MBD5: variants seen among roughly 807,000 people sequenced by gnomAD.
MBD5 encodes the protein methyl-CpG-binding domain protein 5.
A neutral mutation model predicts 117.3 loss-of-function variants in MBD5; 13 were observed. The ratio of observed to expected loss-of-function variants is 0.11; its 90% confidence interval spans 0.07 to 0.18. The LOEUF (loss-of-function observed/expected upper bound fraction) is 0.18, where lower values mean the gene tolerates loss of function less well. Ranked by LOEUF, MBD5 falls within the 10% of genes least tolerant of loss-of-function variation. The pLI is 1.00. For synonymous variants in MBD5, 727 were observed against 766.4 expected (o/e 0.95, Z 0.85); for missense variants, 1,879 against 2,093.8 (o/e 0.90, Z 2.00).
intron 1 of MBD5, among the ~76,000 whole-genome samples, chr2:148,073,542 A>T (rs1272547683): frequency 6.6e-6 from 1 of 152,192 alleles, no homozygotes. Context: ...TATATATGGT[A>T]CATTCTTATA....
At chr2:148,047,521 T>C (rs1337343906) in intron 1 of MBD5, among the ~76,000 whole-genome samples, 1 of 152,202 alleles carries the variant, frequency 6.6e-6, no homozygotes, top group African/African-American at 2.4e-5. Context: ...TTGGGAGATG[T>C]AGAAATTGTT....
intron 4 of MBD5, among the ~76,000 whole-genome samples, chr2:148,442,580 A>G (rs1415579919): frequency 1.3e-5 from 2 of 151,394 alleles, no homozygotes; most frequent in African/African-American, 2.5e-5. Context: ...AGAAAGAAAG[A>G]TAAGGTAAAT....
chr2:148,491,015 G>T (rs1028037378), intron 11 of MBD5, among the ~76,000 whole-genome samples: 8 of 152,182 alleles, frequency 5.3e-5, no homozygotes, highest in African/African-American at 1.9e-4. Context: ...CAATGGTTGC[G>T]CCAGGGGACG....
In MBD5 at chr2:148,151,529, C is replaced by T. The variant is rs1697667256; in HGVS notation, c.-924-27171C>T. On this transcript the variant is annotated intron_variant, in intron 1 of 13. Coordinates refer to ENST00000642680, the MANE Select transcript of MBD5 (RefSeq NM_001378120.1). ...TTCCGAAGGAATGGTACCAGCTCCT[C>T]CTTGTACCTCTGGTAAAATTCGGCA... Among the ~76,000 whole-genome samples, 3 of 152,200 alleles carry T rather than the reference C, an allele frequency of 2.0e-5. No individual in the cohort carries two copies. The South Asian group carries it at 6.2e-4, about 32-fold the overall frequency.
At chr2:148,293,147 CAAAAAAAAAAAA>C (rs35179123) in intron 3 of MBD5, among the ~76,000 whole-genome samples, 3 of 84,926 alleles carry the variant, frequency 3.5e-5, no homozygotes, top group Non-Finnish European at 6.9e-5. Flanking sequence ...AACCTTGCCT[CAAAAAAAAAAAA>C]AAAAAAAAAA....
chr2:148,466,621 T>C (rs1021431556), intron 7 of MBD5, among the ~76,000 whole-genome samples: 1 of 152,142 alleles, frequency 6.6e-6, no homozygotes, highest in Non-Finnish European at 1.5e-5. Context: ...ATATTAACGT[T>C]TTTCATTTTG....
intron 2 of MBD5, among the ~76,000 whole-genome samples, chr2:148,200,582 A>G (rs1282222252): frequency 6.6e-6 from 1 of 151,740 alleles, no homozygotes; most frequent in Non-Finnish European, 1.5e-5. Context: ...GGTCCCAGCT[A>G]CTCGGGAGGC....
At chr2:148,267,687 T>C (rs1410468942) in intron 3 of MBD5, among the ~76,000 whole-genome samples, 1 of 152,126 alleles carries the variant, frequency 6.6e-6, no homozygotes, top group Admixed American at 6.6e-5. Context: ...TAATACATAG[T>C]GTTCTTTAAC....
At chr2:148,483,002 C>T in intron 8 of MBD5, 108 bp from the exon 9 acceptor site, 2 of 1,233,146 alleles carry the variant, frequency 1.6e-6, no homozygotes, top group East Asian at 2.4e-5. Context: ...AATGAAGGTG[C>T]CATGGAACAA....
chr2:148,037,951 C>T (rs769445527), intron 1 of MBD5, among the ~76,000 whole-genome samples: 4 of 151,776 alleles, frequency 2.6e-5, no homozygotes, highest in Admixed American at 6.6e-5. Flanking sequence ...TTAGAGAATG[C>T]AGATACAAGT....
At chr2:148,416,614 T>A (rs1295040215) in intron 4 of MBD5, among the ~76,000 whole-genome samples, 4 of 152,196 alleles carry the variant, frequency 2.6e-5, no homozygotes, top group African/African-American at 9.7e-5. Context: ...GTTTTTTATA[T>A]ATTTAATTTT....
At chr2:148,052,307 T>C (rs1694732922) in intron 1 of MBD5, among the ~76,000 whole-genome samples, 1 of 140,840 alleles carries the variant, frequency 7.1e-6, no homozygotes, top group Non-Finnish European at 1.5e-5. Context: ...GCCTCCCAGG[T>C]TCAAGCAATT....
intron 1 of MBD5, among the ~76,000 whole-genome samples, chr2:148,096,341 G>A (rs1193105631): frequency 6.6e-6 from 1 of 152,112 alleles, no homozygotes; most frequent in Non-Finnish European, 1.5e-5. Flanking sequence ...GGCATCTAGT[G>A]GATACAGGTC....
chr2:148,279,256 C>A lies in MBD5; in HGVS notation c.-680+45861C>A, dbSNP rs77412636. On this transcript the variant is annotated intron_variant, in intron 3 of 13. Transcript: ENST00000642680. ...ACCAACCTGGGCAACATAGTGAGAT[C>A]CCATTTCTTAAAAAATGAGAAAAGT... Among the ~76,000 whole-genome samples, 491 of 152,188 alleles carry A rather than the reference C, an allele frequency of 3.2e-3. 15 individuals are homozygous for A. In the East Asian group the frequency reaches 0.07, roughly 22 times the overall value.
At chr2:148,485,190 G>A (rs1262963513) in intron 9 of MBD5, 1 of 152,366 alleles carries the variant, frequency 6.6e-6, no homozygotes, top group East Asian at 1.9e-4. Context: ...TGTGTTGTTA[G>A]CTTTCTTTTC....
chr2:148,230,116 C>T (rs777171053), intron 2 of MBD5, among the ~76,000 whole-genome samples: 1 of 152,224 alleles, frequency 6.6e-6, no homozygotes. Context: ...GCCAGCCAGG[C>T]CTGTATCCTT....
intron 1 of MBD5, chr2:148,026,240 C>T (rs1160149791): frequency 6.6e-6 from 1 of 152,108 alleles, no homozygotes; most frequent in Non-Finnish European, 1.5e-5. Flanking sequence ...ACATTTATGA[C>T]ACTTTCTAAT....
At chr2:148,224,787 T>C (rs1264564311) in intron 2 of MBD5, among the ~76,000 whole-genome samples, 5 of 152,076 alleles carry the variant, frequency 3.3e-5, no homozygotes, top group African/African-American at 9.7e-5. Flanking sequence ...GTTTTTTTGC[T>C]GAATTGACCC....
intron 3 of MBD5, among the ~76,000 whole-genome samples, chr2:148,325,230 G>A (rs1040430243): frequency 5.9e-5 from 9 of 152,040 alleles, no homozygotes; most frequent in African/African-American, 9.7e-5. Flanking sequence ...TGTTGGATTC[G>A]GTTTGCCAGT....
Sources: gnomAD v4.1 joint callset for allele counts (sites outside exome capture counted in the v4.1 genomes callset) on GRCh38, gnomAD v4.1.1 for gene constraint, MANE v1.5 for transcripts, NCBI Gene and HGNC (gene_info 2026-07-23, HGNC 2026-07-21) for gene names.